Variants in THADA observed in about 807,000 individuals in gnomAD.
THADA encodes THADA armadillo repeat containing.
Under a neutral mutation model 219.8 loss-of-function variants are expected in THADA, and 213 were observed. That is an observed-to-expected ratio of 0.97 (90% CI 0.87 to 1.09). THADA has a LOEUF of 1.09. THADA is among the 50% of genes least tolerant of loss of function. THADA has a pLI of 0.00. For missense variants in THADA, 2,956 were observed against 2,311.3 expected, an observed-to-expected ratio of 1.28 and a Z score of -5.72; for synonymous variants, 1,018 against 828.9, an observed-to-expected ratio of 1.23 and a Z score of -3.92.
intron 26 of THADA, among the ~76,000 whole-genome samples, chr2:43,434,139 G>A (rs1679767335): frequency 6.6e-6 from 1 of 152,208 alleles, no homozygotes; most frequent in Admixed American, 6.5e-5. Flanking sequence ...ATGAGTACAA[G>A]TAAGCCAATA....
intron 26 of THADA, among the ~76,000 whole-genome samples, chr2:43,448,241 G>A (rs1681834340): frequency 6.6e-6 from 1 of 152,316 alleles, no homozygotes. Context: ...TCTATCTGAA[G>A]GATTGGACAG....
chr2:43,467,932 G>A (rs1684452732), intron 26 of THADA, among the ~76,000 whole-genome samples: 1 of 152,190 alleles, frequency 6.6e-6, no homozygotes, highest in African/African-American at 2.4e-5. Flanking sequence ...CAGACTGGAA[G>A]AAATCAAAAG....
chr2:43,324,174 A>C (rs913484613), intron 30 of THADA, among the ~76,000 whole-genome samples: 1 of 152,232 alleles, frequency 6.6e-6, no homozygotes, highest in Non-Finnish European at 1.5e-5. Context: ...CCTGGTTTCC[A>C]TGAGATTTTC....
intron 30 of THADA, among the ~76,000 whole-genome samples, chr2:43,322,534 C>T (rs1301455155): frequency 1.4e-5 from 2 of 144,628 alleles, no homozygotes; most frequent in African/African-American, 5.1e-5. Flanking sequence ...GTAACACATG[C>T]AAAAATAATT....
At chr2:43,330,469 C>A (rs1479954700) in intron 30 of THADA, among the ~76,000 whole-genome samples, 1 of 152,126 alleles carries the variant, frequency 6.6e-6, no homozygotes, top group Admixed American at 6.5e-5. Context: ...TGGCCGAAAC[C>A]CCAGCCACAC....
chr2:43,300,242 T>C (rs1253823995), intron 31 of THADA, among the ~76,000 whole-genome samples: 1 of 151,954 alleles, frequency 6.6e-6, no homozygotes, highest in East Asian at 2.0e-4. Flanking sequence ...TTCAAGCAAT[T>C]CTCCTGCCTC....
intron 30 of THADA, among the ~76,000 whole-genome samples, chr2:43,333,683 A>G (rs1359153670): frequency 6.6e-6 from 1 of 152,186 alleles, no homozygotes; most frequent in East Asian, 1.9e-4. Flanking sequence ...ACGGACCACA[A>G]ATGATAGCCT....
chr2:43,357,783 T>C (rs73923586), intron 29 of THADA, among the ~76,000 whole-genome samples: 2,074 of 152,278 alleles, frequency 0.014, 48 homozygotes, highest in African/African-American at 0.046. Flanking sequence ...GCTGCAAAAA[T>C]ATTATGATCC....
chr2:43,407,878 T>C (rs1363424292), intron 28 of THADA, among the ~76,000 whole-genome samples: 1 of 152,230 alleles, frequency 6.6e-6, no homozygotes, highest in South Asian at 2.1e-4. Context: ...GAATGATGGA[T>C]TCCCAAATAA....
chr2:43,542,379 T>C (rs1242129886), intron 20 of THADA, among the ~76,000 whole-genome samples: 3 of 152,242 alleles, frequency 2.0e-5, no homozygotes, highest in Admixed American at 2.0e-4. Flanking sequence ...TTGAAACTAT[T>C]ACAATAGGCT....
chr2:43,583,645 A>C (rs1700692905), intron 7 of THADA, among the ~76,000 whole-genome samples: 1 of 152,222 alleles, frequency 6.6e-6, no homozygotes, highest in Non-Finnish European at 1.5e-5. Flanking sequence ...CAATAGCCTA[A>C]AGGTAGAAAC....
chr2:43,287,154 G>GATT, intron 34 of THADA, 93 bp from the exon 35 acceptor site: 1 of 1,192,750 alleles, frequency 8.4e-7, no homozygotes, highest in South Asian at 1.6e-5. Context: ...TGGGCCTGTA[G>GATT]ATTAGCTCTT....
chr2:43,293,199 C>T lies in THADA; in HGVS notation c.4453G>A (p.Gly1485Ser), dbSNP rs1188327703. ...ATCCCTCTGACTTCCTCCCAGAAGC[C>T]AAGACTCTCCAGAACTAAGAAGCAA... ...KDNQPVLESL[G>S]FWEEVRGIIS... Residue 1485 changes from glycine to serine, a missense_variant, in exon 32 of 38, where the codon GGC (glycine) becomes AGC (serine). Transcript: ENST00000405975. 2 of 1,609,364 alleles carry T rather than the reference C, an allele frequency of 1.2e-6. No homozygotes were observed. The highest frequency in any genetic ancestry group is 8.5e-7 in the Non-Finnish European group (1 of 1,176,822).
intron 30 of THADA, among the ~76,000 whole-genome samples, chr2:43,339,602 T>C (rs181189113): frequency 1.3e-4 from 20 of 152,304 alleles, no homozygotes; most frequent in Middle Eastern, 3.4e-3. Context: ...TTTAGTTCAC[T>C]AAGTTTACCA....
rs1384923944 is a variant in THADA at position 43,571,690 on chromosome 2, C to CAGAA, written c.2064+16_2064+17insTTCT. Reference sequence around the variant, plus strand: ...AAAGTTCACCACTTCCCTATGCCTTCTGATGGGAAATTCTACCTTTTTAAG... The same window carrying CAGAA: ...AAAGTTCACCACTTCCCTATGCCTTCAGAATGATGGGAAATTCTACCTTTTTAAG... On this transcript the variant is annotated intron_variant, in intron 13 of 37. Coordinates refer to ENST00000405975, the MANE Select transcript of THADA (RefSeq NM_022065.5). 6.2e-7 allele frequency: 1 copy of CAGAA among 1,601,596 alleles called. No homozygotes were observed. Among genetic ancestry groups the CAGAA allele is most frequent in the South Asian group, 1.1e-5 (1 of 89,514 alleles).
intron 26 of THADA, among the ~76,000 whole-genome samples, chr2:43,441,694 A>T (rs1680863701): frequency 6.6e-6 from 1 of 152,316 alleles, no homozygotes. Context: ...GTGTCTCCAT[A>T]TAAAAGAATT....
At chr2:43,237,135 T>C (rs574778625) in intron 36 of THADA, among the ~76,000 whole-genome samples, 22 of 147,544 alleles carry the variant, frequency 1.5e-4, no homozygotes, top group Admixed American at 2.0e-4. Context: ...GATAGACATA[T>C]AGATCAACAG....
At chr2:43,334,611 A>G (rs913182647) in intron 30 of THADA, among the ~76,000 whole-genome samples, 1 of 152,080 alleles carries the variant, frequency 6.6e-6, no homozygotes, top group African/African-American at 2.4e-5. Flanking sequence ...CCAACAAAGC[A>G]CTGGTCCCAA....
rs1317145887 is a variant in THADA at position 43,297,560 on chromosome 2, C to A, written c.4439-4347G>T. On this transcript the variant is annotated intron_variant, in intron 31 of 37. Transcript: ENST00000405975. The stretch of plus-strand genomic sequence containing the variant: ...CCGGGAGGGAGGTGGGGGGGTCAGC[C>A]CCCCGCCTGGCCAGCCGTGCCGTCC... Among the ~76,000 whole-genome samples, 2 of 111,680 alleles carry A rather than the reference C, an allele frequency of 1.8e-5. 1 individual carries two copies. The highest frequency in any genetic ancestry group is 3.6e-5 in the Non-Finnish European group (2 of 55,526). 73.3% of individuals were successfully genotyped at this position (111,680 alleles called of 152,430 possible).
Sources: allele counts gnomAD v4.1 joint callset (sites outside exome capture counted in the v4.1 genomes callset), GRCh38; gene constraint gnomAD v4.1.1; transcripts MANE v1.5; gene names NCBI Gene and HGNC (gene_info 2026-07-23, HGNC 2026-07-21).